The following CDH18 variants were observed in gnomAD, a reference collection of about 807,000 sequenced individuals.
The protein encoded by CDH18 is cadherin 18, also known as cadherin-18.
Under a neutral mutation model 67.9 loss-of-function variants are expected in CDH18, and 31 were observed. That is an observed-to-expected ratio of 0.46 (90% confidence interval 0.34 to 0.62). CDH18 has a LOEUF of 0.62. Ranked by LOEUF, CDH18 falls within the 20% of genes least tolerant of loss-of-function variation. CDH18 has a pLI of 0.01. For missense variants in CDH18, 890 were observed against 975.5 expected (o/e 0.91, Z 1.17); for synonymous variants, 362 against 347.2 (o/e 1.04, Z -0.48).
At chr5:19,557,765 G>A (rs192608209) in intron 8 of CDH18, among the ~76,000 whole-genome samples, 34 of 152,074 alleles carry the variant, frequency 2.2e-4, no homozygotes, top group African/African-American at 7.9e-4. Context: ...AGAAACAATA[G>A]ACTTAAATTA....
intron 3 of CDH18, among the ~76,000 whole-genome samples, chr5:19,807,543 G>C (rs1778161993): frequency 6.6e-6 from 1 of 152,124 alleles, no homozygotes; most frequent in Non-Finnish European, 1.5e-5. Context: ...CTACTGAGAA[G>C]TGTAGTTTTC....
chr5:20,123,542 A>T (rs1321266724), intron 2 of CDH18, among the ~76,000 whole-genome samples: 1 of 152,070 alleles, frequency 6.6e-6, no homozygotes, highest in Non-Finnish European at 1.5e-5. Flanking sequence ...CCCCAGTTCC[A>T]CGCAAGTTAG....
Position 19,520,694 on chromosome 5 carries a change from T to C in CDH18, c.1475A>G (p.Tyr492Cys), listed in dbSNP as rs760481744. The C allele has an allele frequency of 3.1e-6, 5 of 1,613,330 alleles. No individual in the cohort carries two copies. The highest frequency in any genetic ancestry group is 4.2e-6 in the Non-Finnish European group (5 of 1,179,532). ...AGAATTTTCACATACAATAATATCA[T>C]ATTCCCTGGCAAGTTCGGGTGGATT... ...NDNPPELARE[Y>C]DIIVCENSKP... Residue 492 changes from tyrosine (Y) to cysteine (C), a missense_variant, in exon 10 of 13, where the codon TAT becomes TGT. This residue lies in a region of CDH18 where 656 missense variants were observed against 668.1 expected (regional missense o/e 0.98). Transcript: ENST00000382275.
chr5:20,372,858 AT>A (rs1743118012), intron 1 of CDH18, among the ~76,000 whole-genome samples: 1 of 151,614 alleles, frequency 6.6e-6, no homozygotes, highest in Non-Finnish European at 1.5e-5. Context: ...TCCCTTGGAT[AT>A]TTTGTCTGAA....
chr5:20,119,355 T>C (rs1192582017), intron 2 of CDH18, among the ~76,000 whole-genome samples: 2 of 152,142 alleles, frequency 1.3e-5, no homozygotes, highest in Non-Finnish European at 2.9e-5. Context: ...TGTGCATCTG[T>C]GGTATTTTTT....
intron 1 of CDH18, among the ~76,000 whole-genome samples, chr5:20,501,517 ATATACATAT>A (rs1754264710): frequency 3.5e-5 from 4 of 113,138 alleles, no homozygotes; most frequent in Admixed American, 1.2e-4. Context: ...TATATATATT[ATATACATAT>A]TATATATATT....
chr5:19,548,292 G>T (rs1736694560), intron 8 of CDH18, among the ~76,000 whole-genome samples: 1 of 113,394 alleles, frequency 8.8e-6, no homozygotes, highest in African/African-American at 3.0e-5. Flanking sequence ...CCGTGGAATT[G>T]GGATTTTAAA....
intron 4 of CDH18, among the ~76,000 whole-genome samples, chr5:19,735,718 G>A (rs1314779559): frequency 1.3e-5 from 2 of 152,074 alleles, no homozygotes; most frequent in Non-Finnish European, 2.9e-5. Context: ...TTAAGTTAGA[G>A]AAGTCACACC....
chr5:19,724,371 C>A (rs553118054), intron 4 of CDH18, among the ~76,000 whole-genome samples: 1 of 152,090 alleles, frequency 6.6e-6, no homozygotes, highest in African/African-American at 2.4e-5. Flanking sequence ...CAGACTAGAG[C>A]AAGGAAGTTT....
chr5:19,539,032 T>A (rs1307653688), intron 9 of CDH18, among the ~76,000 whole-genome samples: 2 of 152,142 alleles, frequency 1.3e-5, no homozygotes, highest in Non-Finnish European at 2.9e-5. Flanking sequence ...GACAAACAAT[T>A]GTACATGGCA....
chr5:19,697,722 C>T (rs1276051042), intron 5 of CDH18, among the ~76,000 whole-genome samples: 1 of 152,046 alleles, frequency 6.6e-6, no homozygotes, highest in Non-Finnish European at 1.5e-5. Context: ...TTGTTAGGGT[C>T]ACAAGAAGAA....
chr5:19,658,286 TAAA>T (rs1275571549), intron 5 of CDH18, among the ~76,000 whole-genome samples: 1 of 152,106 alleles, frequency 6.6e-6, no homozygotes, highest in Middle Eastern at 3.2e-3. Flanking sequence ...TGTCAACACA[TAAA>T]AATTATTTTT....
intron 8 of CDH18, among the ~76,000 whole-genome samples, chr5:19,550,225 C>T (rs1264860583): frequency 6.6e-6 from 1 of 151,968 alleles, no homozygotes; most frequent in Non-Finnish European, 1.5e-5. Context: ...CATGGCTGCC[C>T]TTATTCACCA....
chr5:20,071,021 G>A (rs1327079743), intron 2 of CDH18, among the ~76,000 whole-genome samples: 4 of 152,174 alleles, frequency 2.6e-5, no homozygotes, highest in Admixed American at 2.6e-4. Flanking sequence ...TCTTCTAGAA[G>A]ATAAATGTGT....
chr5:19,544,100 C>A, intron 8 of CDH18, 95 bp from the exon 9 acceptor site: 2 of 473,154 alleles, frequency 4.2e-6, no homozygotes, highest in South Asian at 1.5e-4. Flanking sequence ...TTAAAATATT[C>A]AAATATACTT....
chr5:19,928,074 G>C (rs140986027), intron 2 of CDH18, among the ~76,000 whole-genome samples: 10 of 152,084 alleles, frequency 6.6e-5, no homozygotes, highest in African/African-American at 1.9e-4. Context: ...CCAGGGCTCC[G>C]TCCTGATTCA....
intron 2 of CDH18, among the ~76,000 whole-genome samples, chr5:20,052,249 T>C (rs1388048638): frequency 6.6e-6 from 1 of 152,024 alleles, no homozygotes; most frequent in Non-Finnish European, 1.5e-5. Flanking sequence ...CTTAGTGACA[T>C]GGCATGTCAG....
At chr5:19,539,078 G>A (rs1373088282) in intron 9 of CDH18, among the ~76,000 whole-genome samples, 4 of 152,108 alleles carry the variant, frequency 2.6e-5, no homozygotes, top group South Asian at 2.1e-4. Flanking sequence ...ATTAAGCCAC[G>A]GAATCGGTGC....
chr5:19,605,498 T>C (rs1747888819), intron 6 of CDH18, among the ~76,000 whole-genome samples: 1 of 152,022 alleles, frequency 6.6e-6, no homozygotes, highest in Non-Finnish European at 1.5e-5. Context: ...CCACATAGAA[T>C]ACAAATTGAT....
Sources: gnomAD v4.1 joint callset for allele counts (sites outside exome capture counted in the v4.1 genomes callset) on GRCh38, gnomAD v4.1.1 for gene constraint, gnomAD v4.1.1 regional missense constraint, MANE v1.5 for transcripts, NCBI Gene and HGNC (gene_info 2026-07-23, HGNC 2026-07-21) for gene names.